ENG: variants seen among roughly 807,000 people sequenced by gnomAD.
ENG encodes CD105 antigen.
Under a neutral mutation model 71.0 loss-of-function variants are expected in ENG, and 17 were observed. The observed-to-expected ratio is 0.24, with a 90% CI of 0.16 to 0.36. The LOEUF (loss-of-function observed/expected upper bound fraction) is 0.36, where lower values mean the gene tolerates loss of function less well. ENG is among the 10% of genes least tolerant of loss of function. The pLI, the probability that ENG is intolerant of heterozygous loss-of-function variation, is 1.00. For synonymous variants in ENG, 360 were observed against 366.9 expected (o/e 0.98, Z 0.21); for missense variants, 749 against 868.3 (o/e 0.86, Z 1.73).
intron 8 of ENG, among the ~76,000 whole-genome samples, chr9:127,823,443 C>G (rs1271438396): frequency 6.7e-6 from 1 of 150,268 alleles, no homozygotes; most frequent in African/African-American, 2.5e-5. Flanking sequence ...AGCTGGAGTA[C>G]AGTGGTGCGA....
At position 127,826,644 on chromosome 9, in the gene ENG, G is replaced by A. The variant is rs1413610384; in HGVS notation, c.389C>T (p.Pro130Leu). Residue 130 changes from proline to leucine, a missense_variant, in exon 4 of 15, where the codon CCC becomes CTC. Physicochemically the swap from Pro to Leu is moderately conservative, Grantham distance 98 (BLOSUM62 -3). Transcript: ENST00000373203. ...CAGCTCTGTGGTGTTGACCCCCGGG[G>A]GCTCTTGGAAGGTGACCAGGCTGGA... The part of the protein sequence containing the change: ...YNSSLVTFQE[P>L]PGVNTTELPS... 3.1e-6 allele frequency: 5 copies of A among 1,613,964 alleles called. No homozygotes were observed. The highest frequency in any genetic ancestry group is 3.4e-6 in the Non-Finnish European group (4 of 1,180,000).
rs60084803 is a variant in ENG, at chr9:127,843,520, ATGAG to A, written c.68-279_68-276del. ...GCTAAATTTAAATTTCAGATAAACAATGAGTGCATTTTTTTAAGTATTAGTATAT... is the reference window on the plus strand; with the variant it reads ...GCTAAATTTAAATTTCAGATAAACAATGCATTTTTTTAAGTATTAGTATAT... On this transcript the variant is annotated intron_variant, in intron 1 of 14. Coordinates refer to ENST00000373203, the MANE Select transcript of ENG (RefSeq NM_001114753.3). Among the ~76,000 whole-genome samples, 189 of 151,616 alleles carry A rather than the reference ATGAG, an allele frequency of 1.2e-3. 1 individual carries two copies. Among genetic ancestry groups the A allele is most frequent in the African/African-American group, 4.5e-3 (184 of 41,326 alleles).
In ENG at chr9:127,838,513, C is replaced by T. The variant is rs149603711; in HGVS notation, c.219+4581G>A. Among the ~76,000 whole-genome samples the T allele has an allele frequency of 1.5e-4, 23 of 152,282 alleles. No individual in the cohort carries two copies. The East Asian group carries it at 4.3e-3, about 28-fold the overall frequency. On this transcript the variant is annotated intron_variant, in intron 2 of 14. Transcript: ENST00000373203. This position sits in a 1 kb window ranked among gnomAD's most constrained non-coding sequence, Gnocchi z 4.3. ...TCTGCCTGAGTGGTGTTGCCTGCCCCTCTGGTCAAGAGTGAGTCAGTGCTG... is the reference window on the plus strand; with the variant it reads ...TCTGCCTGAGTGGTGTTGCCTGCCCTTCTGGTCAAGAGTGAGTCAGTGCTG...
At chr9:127,844,748 T>G (rs539152476) in intron 1 of ENG, among the ~76,000 whole-genome samples, 6 of 152,336 alleles carry the variant, frequency 3.9e-5, no homozygotes, top group African/African-American at 1.2e-4. Flanking sequence ...TTGATGTATC[T>G]GGCAACCCTA....
chr9:127,830,835 C>G (rs970659065), intron 2 of ENG, among the ~76,000 whole-genome samples: 1 of 152,002 alleles, frequency 6.6e-6, no homozygotes, highest in Non-Finnish European at 1.5e-5. Flanking sequence ...TTCCAGCCCA[C>G]ATGAGACAGT....
chr9:127,818,534 G>C, intron 11 of ENG, 157 bp from the exon 12 acceptor site: 1 of 1,425,388 alleles, frequency 7.0e-7, no homozygotes. Flanking sequence ...GAGGAGGACA[G>C]GGCCACATCC....
At chr9:127,832,924 T>C (rs1830800622) in intron 2 of ENG, among the ~76,000 whole-genome samples, 1 of 152,030 alleles carries the variant, frequency 6.6e-6, no homozygotes, top group African/African-American at 2.4e-5. Context: ...GCCCAGCTAA[T>C]TTTTGTATTT....
chr9:127,835,969 T>A (rs773665271), intron 2 of ENG, among the ~76,000 whole-genome samples: 1 of 152,082 alleles, frequency 6.6e-6, no homozygotes, highest in East Asian at 1.9e-4. Context: ...AAGTGAGTAG[T>A]TGGGAAACTC....
Position 127,815,564 on chromosome 9 carries a change from G to T in ENG, c.*118C>A. The stretch of plus-strand genomic sequence containing the variant: ...AGAGGGAGGCGGGAAGGGTAGGCGC[G>T]GAGAGCAGGCTCCATTCTGGGTCGA... On this transcript the variant is annotated 3_prime_UTR_variant, in exon 15 of 15. Transcript: ENST00000373203. 1.4e-6 allele frequency: 2 copies of T among 1,462,824 alleles called. No individual in the cohort carries two copies. Among genetic ancestry groups the T allele is most frequent in the East Asian group, 5.0e-5 (2 of 40,224 alleles). The allele number at this position is 1,462,824 out of a possible 1,614,324, so 90.6% of individuals were successfully genotyped here.
At position 127,854,562 on chromosome 9, in the gene ENG, C is replaced by T. The variant is rs1002959572; in HGVS notation, c.-207G>A. 7 of 579,248 alleles carry T rather than the reference C, an allele frequency of 1.2e-5. No homozygotes were observed. Among genetic ancestry groups the T allele is most frequent in the African/African-American group, 9.7e-5 (5 of 51,408 alleles). 35.9% of individuals were successfully genotyped at this position (579,248 alleles called of 1,614,324 possible). A position where few individuals can be genotyped will look rare whatever the true frequency, so the allele number is the denominator to read the frequency against. ...GGGACGCGGGGCTGGGCTGGAGTTG[C>T]TGTCCGAAGGATGGGCGGGGAGGGG... On this transcript the variant is annotated 5_prime_UTR_variant, in exon 1 of 15. Coordinates refer to ENST00000373203, the MANE Select transcript of ENG (RefSeq NM_001114753.3).
chr9:127,843,343 C>T (rs897315526), intron 1 of ENG, 98 bp from the exon 2 acceptor site: 21 of 1,518,532 alleles, frequency 1.4e-5, no homozygotes, highest in South Asian at 4.5e-5. Context: ...CATGAGCTAA[C>T]GGCTTTCCTG....
chr9:127,825,422 C>A lies in ENG; in HGVS notation c.690-65G>T, dbSNP rs41446048. Reference sequence around the variant, plus strand: ...AGGCCAGGCGGGGAGCGAGGCCTGGCGTCGGGTGGGCGGCGGCTGCACTCT... The same window carrying A: ...AGGCCAGGCGGGGAGCGAGGCCTGGAGTCGGGTGGGCGGCGGCTGCACTCT... On this transcript the variant is annotated intron_variant, in intron 5 of 14. Coordinates refer to ENST00000373203, the MANE Select transcript of ENG (RefSeq NM_001114753.3). The A allele has an allele frequency of 9.8e-5, 156 of 1,598,996 alleles. No individual in the cohort carries two copies. The African/African-American group carries it at 1.8e-3, about 19-fold the overall frequency.
At chr9:127,830,422 C>A (rs1374260707) in intron 2 of ENG, among the ~76,000 whole-genome samples, 3 of 150,638 alleles carry the variant, frequency 2.0e-5, no homozygotes, top group Non-Finnish European at 4.4e-5. Context: ...GCAGGTGGAT[C>A]ACCTGAGGTC....
chr9:127,825,636 G>GC, intron 5 of ENG, 59 bp downstream of exon 5: 2 of 1,338,964 alleles, frequency 1.5e-6, no homozygotes, highest in Non-Finnish European at 2.0e-6. Flanking sequence ...GGCGGGGGGG[G>GC]TCAGGGGGGT....
chr9:127,816,389 G>A (rs1397298042), intron 13 of ENG: 1 of 424,532 alleles, frequency 2.4e-6, no homozygotes, highest in Admixed American at 3.5e-5. Flanking sequence ...CCCACCTGCT[G>A]CATGACCTTG....
chr9:127,833,417 A>G (rs1392294543), intron 2 of ENG, among the ~76,000 whole-genome samples: 1 of 146,232 alleles, frequency 6.8e-6, no homozygotes, highest in East Asian at 2.1e-4. Flanking sequence ...GCTACTCGGG[A>G]GGCTGAGGCA....
In ENG at chr9:127,825,724, G is replaced by A. The variant is rs771785801; in HGVS notation, c.660C>T (p.Ile220=). The part of the protein sequence containing the change: ...EGVAGHKEAH[I]LRVLPGHSAG... ...CCGAGTGGCCCGGCAGGACCCTCAGGATGTGCGCCTCCTTGTGGCCGGCCA... is the reference window on the plus strand; with the variant it reads ...CCGAGTGGCCCGGCAGGACCCTCAGAATGTGCGCCTCCTTGTGGCCGGCCA... The change falls in exon 5 of 15, where the codon ATC becomes ATT. Residue 220 remains isoleucine, a synonymous_variant. Coordinates refer to ENST00000373203, the MANE Select transcript of ENG (RefSeq NM_001114753.3). 1 of 1,596,538 alleles carries A rather than the reference G, an allele frequency of 6.3e-7. No individual in the cohort carries two copies. Among genetic ancestry groups the A allele is most frequent in the South Asian group, 1.1e-5 (1 of 89,318 alleles).
At chr9:127,833,844 A>C (rs1050198328) in intron 2 of ENG, among the ~76,000 whole-genome samples, 2 of 152,212 alleles carry the variant, frequency 1.3e-5, no homozygotes, top group African/African-American at 4.8e-5. Flanking sequence ...GTTACTCAAT[A>C]ATGATACCAT....
At chr9:127,831,267 TCTC>T (rs1442040334) in intron 2 of ENG, among the ~76,000 whole-genome samples, 4 of 151,688 alleles carry the variant, frequency 2.6e-5, no homozygotes, top group Admixed American at 6.6e-5. Context: ...TTCAAGCAAT[TCTC>T]CTGCCTCAGC....
Sources: gnomAD v4.1 joint callset for allele counts (sites outside exome capture counted in the v4.1 genomes callset) on GRCh38, gnomAD v4.1.1 for gene constraint, Gnocchi (gnomAD v3.1) non-coding constraint, MANE v1.5 for transcripts, NCBI Gene and HGNC (gene_info 2026-07-23, HGNC 2026-07-21) for gene names.